Variants in ICAM4 observed in about 807,000 individuals in gnomAD.
ICAM4 encodes the protein intercellular adhesion molecule 4 (Landsteiner-Wiener blood group).
A neutral mutation model predicts 18.8 loss-of-function variants in ICAM4; 16 were observed. The observed-to-expected ratio is 0.85, with a 90% CI of 0.58 to 1.29. The LOEUF is 1.29. Ranked by LOEUF, ICAM4 falls within the 50% of genes most tolerant of loss-of-function variation. The pLI is 0.00. For synonymous variants in ICAM4, 163 were observed against 163.2 expected (o/e 1.00, Z 0.01); for missense variants, 338 against 364.3 (o/e 0.93, Z 0.59).
chr19:10,287,928 CA>C lies in ICAM4; in HGVS notation c.698-57del. 6.2e-7 allele frequency: 1 copy of C among 1,611,326 alleles called. No homozygotes were observed. The highest frequency in any genetic ancestry group is 8.5e-7 in the Non-Finnish European group (1 of 1,178,728). On this transcript the variant is annotated intron_variant, in intron 2 of 2. Transcript: ENST00000380770. This position sits in a 1 kb window ranked among gnomAD's most constrained non-coding sequence, Gnocchi z 8.7. ...GGGCGCACAGACCAAGCGTGAGCTC[CA>C]CGCGGGTCGACAGACCTCCCTGTGT...
rs1301251424 is a variant in ICAM4, at chr19:10,288,157, T to TG, written c.*57dup. ...AGAAAAAGAGGAATATGAAACAATCTGGGGAAATGGCCATACATGGTGGCT... is the reference window on the plus strand; with the variant it reads ...AGAAAAAGAGGAATATGAAACAATCTGGGGGAAATGGCCATACATGGTGGCT... On this transcript the variant is annotated 3_prime_UTR_variant, in exon 3 of 3. Transcript: ENST00000380770. 2 of 1,613,884 alleles carry TG rather than the reference T, an allele frequency of 1.2e-6. No homozygotes were observed. Among genetic ancestry groups the TG allele is most frequent in the Non-Finnish European group, 1.7e-6 (2 of 1,179,958 alleles).
chr19:10,287,437 GTGAGGGGAGGGGGCT>G lies in ICAM4; in HGVS notation c.394+32_394+46del, dbSNP rs757827547. ...GGACAGGGGCTCGGTCCCGGCTGGG[GTGAGGGGAGGGGGCT>G]GGAAGAGGTGGGGGAAGGGTAGTTG... On this transcript the variant is annotated intron_variant, in intron 1 of 2. Coordinates refer to ENST00000380770, the MANE Select transcript of ICAM4 (RefSeq NM_001544.5). The surrounding 1 kb of genome is among the most constrained non-coding windows in gnomAD (Gnocchi z 8.7). 2.8e-5 allele frequency: 45 copies of G among 1,590,848 alleles called. No individual in the cohort carries two copies. The highest frequency in any genetic ancestry group is 1.1e-4 in the East Asian group (5 of 44,382).
Position 10,287,269 on chromosome 19 carries a change from G to A in ICAM4, c.257G>A (p.Arg86Gln), listed in dbSNP as rs771521732. ...AATTCCAGCCTCCGCACCCCGCTGC[G>A]GCAAGGCAAGACGCTCAGAGGGCCG... ...PQNSSLRTPL[R>Q]QGKTLRGPGW... Residue 86 changes from arginine to glutamine, a missense_variant, in exon 1 of 3, where the codon CGG becomes CAG. By Grantham distance (43) the Arg-to-Gln change is conservative. Coordinates refer to ENST00000380770, the MANE Select transcript of ICAM4 (RefSeq NM_001544.5). This position sits in a 1 kb window ranked among gnomAD's most constrained non-coding sequence, Gnocchi z 8.7. 10 of 1,613,712 alleles carry A rather than the reference G, an allele frequency of 6.2e-6. No individual in the cohort carries two copies. Among genetic ancestry groups the A allele is most frequent in the Non-Finnish European group, 5.1e-6 (6 of 1,180,020 alleles).
In ICAM4 at chr19:10,287,775, G is replaced by A. The variant is rs1168493332; in HGVS notation, c.634G>A (p.Ala212Thr). Reference sequence around the variant, plus strand: ...CTTCTGGCAGCCCGTGATCTGCCACGCGCGCCTCAATCTCGACGGCCTGGT... The same window carrying A: ...CTTCTGGCAGCCCGTGATCTGCCACACGCGCCTCAATCTCGACGGCCTGGT... ...RDFWQPVICH[A>T]RLNLDGLVVR... The change falls in exon 2 of 3, where the codon GCG (alanine) becomes ACG (threonine). Residue 212 changes from alanine to threonine, a missense_variant. Coordinates refer to ENST00000380770, the MANE Select transcript of ICAM4 (RefSeq NM_001544.5). This position sits in a 1 kb window ranked among gnomAD's most constrained non-coding sequence, Gnocchi z 8.7. 1 of 1,613,626 alleles carries A rather than the reference G, an allele frequency of 6.2e-7. No individual in the cohort carries two copies. Among genetic ancestry groups the A allele is most frequent in the South Asian group, 1.1e-5 (1 of 91,072 alleles).
chr19:10,287,553 A>G lies in ICAM4; in HGVS notation c.412A>G (p.Ile138Val), dbSNP rs2040127080. The G allele has an allele frequency of 1.9e-6, 3 of 1,613,400 alleles. No homozygotes were observed. The highest frequency in any genetic ancestry group is 3.3e-5 in the Admixed American group (2 of 59,986). ...ITAYKPPHSV[I>V]LEPPVLKGRK... Reference sequence around the variant, plus strand: ...TGCCTTAGAACCGCCCCACAGCGTGATTTTGGAGCCTCCGGTCTTAAAGGG... The same window carrying G: ...TGCCTTAGAACCGCCCCACAGCGTGGTTTTGGAGCCTCCGGTCTTAAAGGG... Residue 138 changes from isoleucine (I) to valine (V), a missense_variant, in exon 2 of 3, where the codon ATT becomes GTT. Physicochemically the swap from Ile to Val is conservative, Grantham distance 29. Coordinates refer to ENST00000380770, the MANE Select transcript of ICAM4 (RefSeq NM_001544.5). This position sits in a 1 kb window ranked among gnomAD's most constrained non-coding sequence, Gnocchi z 8.7.
rs780823301 is a variant in ICAM4 at position 10,287,117 on chromosome 19, G to T, written c.105G>T (p.Lys35Asn). 6.2e-6 allele frequency: 10 copies of T among 1,608,344 alleles called. No individual in the cohort carries two copies. Among genetic ancestry groups the T allele is most frequent in the Non-Finnish European group, 8.5e-6 (10 of 1,176,832 alleles). ...GRRTKRAQSPKGSPLAPSGTS... is the reference protein window; with the variant it reads ...GRRTKRAQSPNGSPLAPSGTS... ...GGACTAAGCGGGCGCAAAGCCCCAA[G>T]GGTAGCCCTCTCGCGCCCTCCGGGA... Residue 35 changes from lysine to asparagine, a missense_variant, in exon 1 of 3, where the codon AAG (lysine) becomes AAT (asparagine). Transcript: ENST00000380770. This position sits in a 1 kb window ranked among gnomAD's most constrained non-coding sequence, Gnocchi z 8.7.
At position 10,287,005 on chromosome 19, in the gene ICAM4, T is replaced by A; in HGVS notation, c.-8T>A. ...TGGCGCGGGGCCCCTTAGTCCGGGC[T>A]TTTTGCCATGGGGTCTCTGTTCCCT... On this transcript the variant is annotated 5_prime_UTR_variant, in exon 1 of 3. Transcript: ENST00000380770. The surrounding 1 kb of genome is among the most constrained non-coding windows in gnomAD (Gnocchi z 8.7). The A allele has an allele frequency of 6.7e-7, 1 of 1,502,242 alleles. No homozygotes were observed. The highest frequency in any genetic ancestry group is 8.9e-7 in the Non-Finnish European group (1 of 1,129,792). 93.1% of individuals were successfully genotyped at this position (1,502,242 alleles called of 1,614,324 possible). A position where few individuals can be genotyped will look rare whatever the true frequency, so the allele number is the denominator to read the frequency against.
At position 10,288,364 on chromosome 19, in the gene ICAM4, T is replaced by A; in HGVS notation, c.*260T>A. On this transcript the variant is annotated 3_prime_UTR_variant, in exon 3 of 3. Transcript: ENST00000380770. ...CCGGGAGGCTGAGTTGGGAGGATCCTTTGAGCCCTGAAAGTCGAGGTTGCA... is the reference window on the plus strand; with the variant it reads ...CCGGGAGGCTGAGTTGGGAGGATCCATTGAGCCCTGAAAGTCGAGGTTGCA... 3 of 597,834 alleles carry A rather than the reference T, an allele frequency of 5.0e-6. 1 individual carries two copies. The South Asian group carries it at 5.8e-5, about 11-fold the overall frequency. The allele number at this position is 597,834 out of a possible 1,614,324, so 37.0% of individuals were successfully genotyped here.
rs1296619925 is a variant in ICAM4, at chr19:10,287,133, C to T, written c.121C>T (p.Pro41Ser). The T allele has an allele frequency of 6.2e-7, 1 of 1,608,480 alleles. No individual in the cohort carries two copies. The highest frequency in any genetic ancestry group is 1.3e-5 in the African/African-American group (1 of 74,852). ...AQSPKGSPLA[P>S]SGTSVPFWVR... Reference sequence around the variant, plus strand: ...AAGCCCCAAGGGTAGCCCTCTCGCGCCCTCCGGGACCTCAGTGCCCTTCTG... The same window carrying T: ...AAGCCCCAAGGGTAGCCCTCTCGCGTCCTCCGGGACCTCAGTGCCCTTCTG... Residue 41 changes from proline (P) to serine (S), a missense_variant, in exon 1 of 3, where the codon CCC becomes TCC. Pro to Ser is a moderately conservative substitution (Grantham distance 74, BLOSUM62 -1). Transcript: ENST00000380770. The surrounding 1 kb of genome is among the most constrained non-coding windows in gnomAD (Gnocchi z 8.7).
Position 10,288,323 on chromosome 19 carries a change from C to A in ICAM4, c.*219C>A. The A allele has an allele frequency of 1.4e-6, 1 of 702,340 alleles. No homozygotes were observed. The highest frequency in any genetic ancestry group is 2.4e-6 in the Non-Finnish European group (1 of 413,822). The allele number at this position is 702,340 out of a possible 1,614,324, so 43.5% of individuals were successfully genotyped here. ...ATTAGCCTGGTGTGGTGGCCCGCAC[C>A]TGTGGTCCCAGCTACCCGGGAGGCT... On this transcript the variant is annotated 3_prime_UTR_variant, in exon 3 of 3. Coordinates refer to ENST00000380770, the MANE Select transcript of ICAM4 (RefSeq NM_001544.5).
At position 10,288,176 on chromosome 19, in the gene ICAM4, G is replaced by A. The variant is rs1292573772; in HGVS notation, c.*72G>A. 6.2e-7 allele frequency: 1 copy of A among 1,612,400 alleles called. No individual in the cohort carries two copies. The highest frequency in any genetic ancestry group is 8.5e-7 in the Non-Finnish European group (1 of 1,179,068). ...ACAATCTGGGGAAATGGCCATACAT[G>A]GTGGCTGACGCCTGTAATCCCAGCA... On this transcript the variant is annotated 3_prime_UTR_variant, in exon 3 of 3. Transcript: ENST00000380770.
rs370615268 is a variant in ICAM4, at chr19:10,288,065, G to A, written c.777G>A (p.Ala259=). ...GGATCCTCCTCACTGTGGGCGCTGC[G>A]TACCTATGCAAGTGCCTAGCTATGA... ...LVGILLTVGA[A]YLCKCLAMKS... is the part of the protein sequence containing the mutation. The change falls in exon 3 of 3, where the codon GCG becomes GCA. Residue 259 remains alanine, a synonymous_variant. Transcript: ENST00000380770. The A allele has an allele frequency of 1.5e-5, 24 of 1,614,048 alleles. No individual in the cohort carries two copies. The highest frequency in any genetic ancestry group is 1.6e-4 in the Middle Eastern group (1 of 6,084).
At position 10,287,429 on chromosome 19, in the gene ICAM4, C is replaced by A. The variant is rs1383497867; in HGVS notation, c.394+23C>A. ...ACAGTGAGGGACAGGGGCTCGGTCC[C>A]GGCTGGGGTGAGGGGAGGGGGCTGG... On this transcript the variant is annotated intron_variant, in intron 1 of 2. Coordinates refer to ENST00000380770, the MANE Select transcript of ICAM4 (RefSeq NM_001544.5). This position sits in a 1 kb window ranked among gnomAD's most constrained non-coding sequence, Gnocchi z 8.7. The A allele has an allele frequency of 6.3e-7, 1 of 1,591,664 alleles. No homozygotes were observed. Among genetic ancestry groups the A allele is most frequent in the Admixed American group, 1.7e-5 (1 of 58,082 alleles).
At position 10,288,463 on chromosome 19, in the gene ICAM4, A is replaced by T. The variant is rs1214428734; in HGVS notation, c.*359A>T. Reference sequence around the variant, plus strand: ...ACCCTGTCTCCAAAAATAAAATAAAAATAAAAATAAATATTGGCGGGGGAA... The same window carrying T: ...ACCCTGTCTCCAAAAATAAAATAAATATAAAAATAAATATTGGCGGGGGAA... On this transcript the variant is annotated 3_prime_UTR_variant, in exon 3 of 3. Coordinates refer to ENST00000380770, the MANE Select transcript of ICAM4 (RefSeq NM_001544.5). 7.9e-6 allele frequency: 3 copies of T among 379,224 alleles called. No individual in the cohort carries two copies. Among genetic ancestry groups the T allele is most frequent in the Non-Finnish European group, 1.5e-5 (3 of 205,402 alleles). The allele number at this position is 379,224 out of a possible 1,614,324, so 23.5% of individuals were successfully genotyped here.
Position 10,287,285 on chromosome 19 carries a change from C to T in ICAM4, c.273C>T (p.Leu91=). Residue 91 remains leucine (L), a synonymous_variant, in exon 1 of 3, where the codon CTC becomes CTT. Transcript: ENST00000380770. This position sits in a 1 kb window ranked among gnomAD's most constrained non-coding sequence, Gnocchi z 8.7. The part of the protein sequence containing the change: ...LRTPLRQGKT[L]RGPGWVSYQL... ...CCCCGCTGCGGCAAGGCAAGACGCT[C>T]AGAGGGCCGGGTTGGGTGTCTTACC... The T allele has an allele frequency of 1.2e-6, 2 of 1,613,778 alleles. No homozygotes were observed. Among genetic ancestry groups the T allele is most frequent in the Non-Finnish European group, 1.7e-6 (2 of 1,180,032 alleles).
rs1357474059 is a variant in ICAM4 at position 10,287,935 on chromosome 19, G to A, written c.698-51G>A. 6.2e-7 allele frequency: 1 copy of A among 1,611,842 alleles called. No homozygotes were observed. Among genetic ancestry groups the A allele is most frequent in the East Asian group, 2.2e-5 (1 of 44,846 alleles). ...CAGACCAAGCGTGAGCTCCACGCGG[G>A]TCGACAGACCTCCCTGTGTTCCGTT... On this transcript the variant is annotated intron_variant, in intron 2 of 2. Coordinates refer to ENST00000380770, the MANE Select transcript of ICAM4 (RefSeq NM_001544.5). The surrounding 1 kb of genome is among the most constrained non-coding windows in gnomAD (Gnocchi z 8.7).
Position 10,288,085 on chromosome 19 carries a change from C to T in ICAM4, c.797C>T (p.Ala266Val). Reference sequence around the variant, plus strand: ...GCTGCGTACCTATGCAAGTGCCTAGCTATGAAGTCCCAGGCGTAAAGGGGG... The same window carrying T: ...GCTGCGTACCTATGCAAGTGCCTAGTTATGAAGTCCCAGGCGTAAAGGGGG... The part of the protein sequence containing the change: ...VGAAYLCKCL[A>V]MKSQA Residue 266 changes from alanine to valine, a missense_variant, in exon 3 of 3, where the codon GCT (alanine) becomes GTT (valine). Coordinates refer to ENST00000380770, the MANE Select transcript of ICAM4 (RefSeq NM_001544.5). The T allele has an allele frequency of 6.2e-7, 1 of 1,614,126 alleles. No individual in the cohort carries two copies. The highest frequency in any genetic ancestry group is 8.5e-7 in the Non-Finnish European group (1 of 1,179,988).
Position 10,287,738 on chromosome 19 carries a change from T to C in ICAM4, c.597T>C (p.Ala199=), listed in dbSNP as rs1317055486. ...ANVTLTYEFA[A]GPRDFWQPVI... ...TGACCTTGACCTACGAGTTTGCTGCTGGACCCCGCGACTTCTGGCAGCCCG... is the reference window on the plus strand; with the variant it reads ...TGACCTTGACCTACGAGTTTGCTGCCGGACCCCGCGACTTCTGGCAGCCCG... Residue 199 remains alanine, a synonymous_variant, in exon 2 of 3, where the codon GCT becomes GCC. Coordinates refer to ENST00000380770, the MANE Select transcript of ICAM4 (RefSeq NM_001544.5). The surrounding 1 kb of genome is among the most constrained non-coding windows in gnomAD (Gnocchi z 8.7). 4 of 1,613,882 alleles carry C rather than the reference T, an allele frequency of 2.5e-6. No individual in the cohort carries two copies. The highest frequency in any genetic ancestry group is 3.4e-6 in the Non-Finnish European group (4 of 1,180,058).
At position 10,287,933 on chromosome 19, in the gene ICAM4, G is replaced by T. The variant is rs2040133026; in HGVS notation, c.698-53G>T. On this transcript the variant is annotated intron_variant, in intron 2 of 2. Coordinates refer to ENST00000380770, the MANE Select transcript of ICAM4 (RefSeq NM_001544.5). This position sits in a 1 kb window ranked among gnomAD's most constrained non-coding sequence, Gnocchi z 8.7. ...CACAGACCAAGCGTGAGCTCCACGC[G>T]GGTCGACAGACCTCCCTGTGTTCCG... 6.2e-7 allele frequency: 1 copy of T among 1,611,554 alleles called. No homozygotes were observed. Among genetic ancestry groups the T allele is most frequent in the East Asian group, 2.2e-5 (1 of 44,820 alleles).
Sources: gnomAD v4.1 joint callset for allele counts on GRCh38, gnomAD v4.1.1 for gene constraint, Gnocchi (gnomAD v3.1) non-coding constraint, MANE v1.5 for transcripts, NCBI Gene and HGNC (gene_info 2026-07-23, HGNC 2026-07-21) for gene names.